CD300A: variants seen among roughly 807,000 people sequenced by gnomAD.
CD300A encodes CMRF35-like molecule 8.
Under a neutral mutation model 33.6 loss-of-function variants are expected in CD300A, and 22 were observed. That is an observed-to-expected ratio of 0.66 (90% confidence interval 0.47 to 0.94). The LOEUF (loss-of-function observed/expected upper bound fraction) is 0.94. Among genes scored for constraint, CD300A ranks in the 40% least tolerant of loss-of-function variants. The probability of loss-of-function intolerance (pLI) is 0.00; values close to 1 mark genes in which losing one functional copy is unlikely to be tolerated. For missense variants in CD300A, 326 were observed against 360.5 expected, an observed-to-expected ratio of 0.90 and a Z score of 0.77; for synonymous variants, 136 against 148.1, an observed-to-expected ratio of 0.92 and a Z score of 0.59.
At chr17:74,468,049 T>A (rs199870062) in intron 1 of CD300A, among the ~76,000 whole-genome samples, 41 of 102,722 alleles carry the variant, frequency 4.0e-4, no homozygotes, top group Non-Finnish European at 7.8e-4. Context: ...TTATTTATTT[T>A]TTGAGATGGA....
At chr17:74,470,229 T>C in intron 1 of CD300A, 2 of 985,410 alleles carry the variant, frequency 2.0e-6, no homozygotes, top group Non-Finnish European at 2.4e-6. Context: ...TGGGGATCCA[T>C]GTGATCGTTC....
At chr17:74,471,236 A>T (rs1906080884) in intron 1 of CD300A, among the ~76,000 whole-genome samples, 1 of 152,208 alleles carries the variant, frequency 6.6e-6, no homozygotes, top group African/African-American at 2.4e-5. Flanking sequence ...CTTTCATCTA[A>T]GTTTATGAAT....
chr17:74,472,829 C>T (rs190603965), intron 1 of CD300A, among the ~76,000 whole-genome samples: 157 of 152,248 alleles, frequency 1.0e-3, no homozygotes, highest in Admixed American at 1.8e-3. Flanking sequence ...AGGCTAGTCT[C>T]GAACTCCTGG....
intron 1 of CD300A, among the ~76,000 whole-genome samples, chr17:74,472,883 T>C (rs150161040): frequency 2.8e-4 from 43 of 152,326 alleles, no homozygotes; most frequent in African/African-American, 9.1e-4. Context: ...GTGCTGGGAT[T>C]ACAGGCATAA....
chr17:74,474,413 C>G, intron 2 of CD300A, 119 bp from the exon 3 acceptor site: 2 of 1,020,192 alleles, frequency 2.0e-6, no homozygotes, highest in Non-Finnish European at 1.5e-6. Flanking sequence ...CCCCAGGGTC[C>G]TGCATCCTGC....
chr17:74,483,249 T>A (rs1307364671), intron 6 of CD300A, among the ~76,000 whole-genome samples: 1 of 152,190 alleles, frequency 6.6e-6, no homozygotes, highest in African/African-American at 2.4e-5. Context: ...GCCAACGCAG[T>A]ACCCCTGTAC....
intron 1 of CD300A, among the ~76,000 whole-genome samples, chr17:74,470,796 G>A (rs1337722400): frequency 1.3e-5 from 2 of 151,778 alleles, no homozygotes; most frequent in African/African-American, 2.4e-5. Flanking sequence ...ATACAGGCAC[G>A]TGCCACCATG....
Position 74,483,398 on chromosome 17 carries a change from G to A in CD300A, c.775-603G>A, listed in dbSNP as rs571172460. 5.5e-5 allele frequency among the ~76,000 whole-genome samples: 8 copies of A among 144,146 alleles called. No individual in the cohort carries two copies. In the East Asian group the frequency reaches 1.2e-3, roughly 22 times the overall value. The allele number at this position is 144,146 out of a possible 152,430, so 94.6% of individuals were successfully genotyped here. A position where few individuals can be genotyped will look rare whatever the true frequency, so the allele number is the denominator to read the frequency against. ...TTTTGAGACAGAGTCCCACTCTGTC[G>A]CCAGGCTGGAGAGCAGTGGTGCAAT... On this transcript the variant is annotated intron_variant, in intron 6 of 6. Transcript: ENST00000360141.
At chr17:74,477,175 T>G (rs2144524607) in intron 3 of CD300A, among the ~76,000 whole-genome samples, 1 of 152,154 alleles carries the variant, frequency 6.6e-6, no homozygotes, top group African/African-American at 2.4e-5. Context: ...GAGACCATCC[T>G]GGGCAATATA....
chr17:74,468,009 TTTTATTTATTTA>T (rs138029210), intron 1 of CD300A, among the ~76,000 whole-genome samples: 58 of 146,346 alleles, frequency 4.0e-4, no homozygotes, highest in African/African-American at 5.6e-4. Flanking sequence ...GCATTTTTAC[TTTTATTTATTTA>T]TTTATTTATT....
At chr17:74,483,882 G>T in intron 6 of CD300A, 119 bp from the exon 7 acceptor site, 1 of 1,115,894 alleles carries the variant, frequency 9.0e-7, no homozygotes. Context: ...GGACAGTGGA[G>T]CCTCTACAGT....
intron 1 of CD300A, among the ~76,000 whole-genome samples, chr17:74,469,545 C>T (rs1302025436): frequency 2.2e-4 from 33 of 152,146 alleles, no homozygotes; most frequent in Non-Finnish European, 2.9e-5. Flanking sequence ...TTGTTTGAGG[C>T]CAGGCACGTT....
chr17:74,481,955 G>A, intron 6 of CD300A, 122 bp downstream of exon 6: 2 of 676,904 alleles, frequency 3.0e-6, no homozygotes, highest in Non-Finnish European at 5.1e-6. Flanking sequence ...GTCAGGGACA[G>A]GGCCACATGG....
At chr17:74,478,607 A>C (rs919533439) in intron 4 of CD300A, among the ~76,000 whole-genome samples, 3 of 152,242 alleles carry the variant, frequency 2.0e-5, no homozygotes, top group African/African-American at 7.2e-5. Context: ...GCCGAGGTCA[A>C]GTGTAAGCCT....
rs78711850 is a variant in CD300A at position 74,475,352 on chromosome 17, G to C, written c.533+667G>C. Among the ~76,000 whole-genome samples the C allele has an allele frequency of 1.2e-4, 18 of 152,176 alleles. No individual in the cohort carries two copies. The East Asian group carries it at 3.5e-3, about 29-fold the overall frequency. On this transcript the variant is annotated intron_variant, in intron 3 of 6. Transcript: ENST00000360141. Reference sequence around the variant, plus strand: ...GAGCTACAATTCAAGATGAGATTTGGGTGGGGACCCAGCCAACCCACATCA... The same window carrying C: ...GAGCTACAATTCAAGATGAGATTTGCGTGGGGACCCAGCCAACCCACATCA...
chr17:74,470,610 G>T (rs1381860367), intron 1 of CD300A, among the ~76,000 whole-genome samples: 1 of 152,024 alleles, frequency 6.6e-6, no homozygotes, highest in Non-Finnish European at 1.5e-5. Context: ...CAGGGAGCAG[G>T]AACAGTGTCT....
At position 74,484,042 on chromosome 17, in the gene CD300A, T is replaced by C; in HGVS notation, c.816T>C (p.Phe272=). The change falls in exon 7 of 7, where the codon TTT becomes TTC. Residue 272 remains phenylalanine (F), a synonymous_variant. Coordinates refer to ENST00000360141, the MANE Select transcript of CD300A (RefSeq NM_007261.4). Reference sequence around the variant, plus strand: ...AACTTCACTATGCCTCGGTGGTGTTTGATTCTAACACCAACAGGATAGCTG... The same window carrying C: ...AACTTCACTATGCCTCGGTGGTGTTCGATTCTAACACCAACAGGATAGCTG... The part of the protein sequence containing the change: ...REELHYASVV[F]DSNTNRIAAQ... The C allele has an allele frequency of 1.2e-6, 2 of 1,613,828 alleles. No homozygotes were observed. The highest frequency in any genetic ancestry group is 1.7e-6 in the Non-Finnish European group (2 of 1,179,806).
At chr17:74,470,891 A>G (rs1000672807) in intron 1 of CD300A, among the ~76,000 whole-genome samples, 17 of 151,618 alleles carry the variant, frequency 1.1e-4, no homozygotes, top group Non-Finnish European at 1.9e-4. Context: ...GGCTCAAGCA[A>G]TCCTCCCACT....
rs772891892 is a variant in CD300A at position 74,473,850 on chromosome 17, G to A, written c.355G>A (p.Glu119Lys). 2.5e-6 allele frequency: 4 copies of A among 1,611,242 alleles called. No homozygotes were observed. Among genetic ancestry groups the A allele is most frequent in the South Asian group, 2.2e-5 (2 of 91,066 alleles). ...WLRDFHDPVVEVEVSVFPAST... is the reference protein window; with the variant it reads ...WLRDFHDPVVKVEVSVFPAST... ...CCGAGACTTTCATGATCCCGTTGTC[G>A]AGGTTGAGGTGTCCGTGTTCCCGGG... Residue 119 changes from glutamate to lysine, a missense_variant, in exon 2 of 7, where the codon GAG (glutamate) becomes AAG (lysine). Glu to Lys is a moderately conservative substitution (Grantham distance 56, BLOSUM62 1). Coordinates refer to ENST00000360141, the MANE Select transcript of CD300A (RefSeq NM_007261.4).
Sources: gnomAD v4.1 joint callset for allele counts (sites outside exome capture counted in the v4.1 genomes callset) on GRCh38, gnomAD v4.1.1 for gene constraint, MANE v1.5 for transcripts, NCBI Gene and HGNC (gene_info 2026-07-23, HGNC 2026-07-21) for gene names.